The following CUX1 variants were observed in gnomAD, a reference collection of about 807,000 sequenced individuals.
CUX1 encodes the protein cut like homeobox 1.
Under a neutral mutation model 158.8 loss-of-function variants are expected in CUX1, and 31 were observed. That is an observed-to-expected ratio of 0.20 (90% CI 0.15 to 0.26). The LOEUF is 0.26. Ranked by LOEUF, CUX1 falls within the 10% of genes least tolerant of loss-of-function variation. The pLI, the probability that CUX1 is intolerant of heterozygous loss-of-function variation, is 1.00. For synonymous variants in CUX1, 879 were observed against 862.1 expected, an observed-to-expected ratio of 1.02 and a Z score of -0.34; for missense variants, 1,589 against 2,014.6, an observed-to-expected ratio of 0.79 and a Z score of 4.04.
rs183434780 is a variant in CUX1 at position 102,151,818 on chromosome 7, G to C, written c.675-6742G>C. Among the ~76,000 whole-genome samples the C allele has an allele frequency of 4.3e-3, 632 of 148,672 alleles. 3 individuals are homozygous for C. The highest frequency in any genetic ancestry group is 0.018 in the South Asian group (87 of 4,708). On this transcript the variant is annotated intron_variant, in intron 8 of 23. Coordinates refer to ENST00000292535, the MANE Select transcript of CUX1 (RefSeq NM_181552.4). ...TCCTTGGTCCTGGTCTGCAAACACT[G>C]ATGGCCACACTCACATCTTCCAAAG...
chr7:102,086,662 T>C (rs185412765), intron 4 of CUX1, among the ~76,000 whole-genome samples: 1 of 151,992 alleles, frequency 6.6e-6, no homozygotes, highest in African/African-American at 2.4e-5. Context: ...CAGAGTTGAG[T>C]GCAGTGACAC....
intron 2 of CUX1, among the ~76,000 whole-genome samples, chr7:101,937,797 G>A (rs549334249): frequency 3.3e-5 from 5 of 152,308 alleles, no homozygotes; most frequent in South Asian, 2.1e-4. Context: ...ACAGGCGAGA[G>A]CCACCGCGCC....
chr7:102,034,017 G>C (rs1821112766), intron 3 of CUX1, among the ~76,000 whole-genome samples: 1 of 151,330 alleles, frequency 6.6e-6, no homozygotes, highest in African/African-American at 2.4e-5. Flanking sequence ...GTGGTGGCAG[G>C]CACCTGTAAT....
intron 2 of CUX1, among the ~76,000 whole-genome samples, chr7:101,936,568 G>A (rs1226591191): frequency 4.6e-5 from 7 of 152,260 alleles, no homozygotes; most frequent in Non-Finnish European, 8.8e-5. Context: ...AAGGGTGAGC[G>A]GGGGCTAAGT....
intron 17 of CUX1, among the ~76,000 whole-genome samples, chr7:102,275,878 G>A (rs532572236): frequency 3.9e-5 from 6 of 151,940 alleles, no homozygotes; most frequent in East Asian, 3.9e-4. Flanking sequence ...GCATGGTGGC[G>A]GGCACCTGTA....
chr7:102,196,693 G>C lies in CUX1; in HGVS notation c.1282G>C (p.Ala428Pro), dbSNP rs782489323. ...AAGTCGGCGCCCGGGATCTTTGCCG[G>C]CCCCCCCTCCTTCTCAGTTGCCCCG... The part of the protein sequence containing the change: ...PESRRPGSLP[A>P]PPPSQLPRNP... Residue 428 changes from alanine (A) to proline (P), a missense_variant, in exon 15 of 24, where the codon GCC becomes CCC. Physicochemically the swap from Ala to Pro is conservative, Grantham distance 27. Coordinates refer to ENST00000292535, the MANE Select transcript of CUX1 (RefSeq NM_181552.4). 7 of 1,603,564 alleles carry C rather than the reference G, an allele frequency of 4.4e-6. No homozygotes were observed. The highest frequency in any genetic ancestry group is 1.1e-5 in the South Asian group (1 of 90,134).
At chr7:102,171,216 C>A (rs914531501) in intron 10 of CUX1, among the ~76,000 whole-genome samples, 1 of 152,032 alleles carries the variant, frequency 6.6e-6, no homozygotes, top group Non-Finnish European at 1.5e-5. Context: ...GTGTTGGAGC[C>A]ATAGCCCCCA....
At chr7:102,061,123 C>T (rs1204874922) in intron 3 of CUX1, among the ~76,000 whole-genome samples, 1 of 151,950 alleles carries the variant, frequency 6.6e-6, no homozygotes, top group African/African-American at 2.4e-5. Flanking sequence ...CAGGTTTCAC[C>T]ATGTTGGCCA....
chr7:102,212,804 C>G (rs1230346438), intron 20 of CUX1, among the ~76,000 whole-genome samples: 1 of 152,162 alleles, frequency 6.6e-6, no homozygotes, highest in Non-Finnish European at 1.5e-5. Flanking sequence ...TAGTAACACA[C>G]CGTGGAGACC....
At chr7:101,983,656 A>G (rs569440502) in intron 2 of CUX1, among the ~76,000 whole-genome samples, 1 of 152,324 alleles carries the variant, frequency 6.6e-6, no homozygotes, top group South Asian at 2.1e-4. Flanking sequence ...GATGGAAGGC[A>G]AAGAGGACTT....
At chr7:101,925,445 G>C (rs147279053) in intron 2 of CUX1, among the ~76,000 whole-genome samples, 20 of 152,288 alleles carry the variant, frequency 1.3e-4, no homozygotes, top group African/African-American at 3.8e-4. Flanking sequence ...AAACCCCCAG[G>C]GGTGAGGGGA....
Position 102,255,802 on chromosome 7 carries a change from T to C in CUX1, c.*6760T>C, listed in dbSNP as rs1025842647. ...AGCTGCTTTTGTTTTATAATTCTTT[T>C]TTCCCCCCTTTTCCTTCTTCTTTTT... On this transcript the variant is annotated 3_prime_UTR_variant, in exon 24 of 24. Coordinates refer to ENST00000292535, the MANE Select transcript of CUX1 (RefSeq NM_181552.4). 7.1e-6 allele frequency: 7 copies of C among 984,936 alleles called. No individual in the cohort carries two copies. The African/African-American group carries it at 1.0e-4, about 15-fold the overall frequency. The allele number at this position is 984,936 out of a possible 1,614,324, so 61.0% of individuals were successfully genotyped here. A position where few individuals can be genotyped will look rare whatever the true frequency, so the allele number is the denominator to read the frequency against.
At chr7:101,967,725 C>T (rs1811409084) in intron 2 of CUX1, among the ~76,000 whole-genome samples, 1 of 152,118 alleles carries the variant, frequency 6.6e-6, no homozygotes, top group Non-Finnish European at 1.5e-5. Flanking sequence ...TGTAAAAGGT[C>T]CCCAGAAACA....
intron 1 of CUX1, among the ~76,000 whole-genome samples, chr7:101,902,242 G>A (rs1277836996): frequency 2.6e-5 from 4 of 152,134 alleles, no homozygotes; most frequent in Non-Finnish European, 4.4e-5. Flanking sequence ...CTATGATTTC[G>A]ACAAAGCCGG....
chr7:101,950,508 G>A (rs530908279), intron 2 of CUX1, among the ~76,000 whole-genome samples: 24 of 152,088 alleles, frequency 1.6e-4, no homozygotes, highest in Admixed American at 1.5e-3. Flanking sequence ...GGTACATTCA[G>A]TGTTGTGCAA....
chr7:101,863,009 C>T (rs927030059), intron 1 of CUX1, among the ~76,000 whole-genome samples: 1 of 151,732 alleles, frequency 6.6e-6, no homozygotes, highest in African/African-American at 2.4e-5. Context: ...ATTTACTTGT[C>T]GCTGGCCTTG....
At chr7:101,925,172 G>T (rs937751840) in intron 2 of CUX1, among the ~76,000 whole-genome samples, 1 of 152,062 alleles carries the variant, frequency 6.6e-6, no homozygotes, top group Non-Finnish European at 1.5e-5. Flanking sequence ...ACAGTGGCTC[G>T]ATCTCGGCTC....
chr7:101,914,568 G>A (rs953937022), intron 1 of CUX1, among the ~76,000 whole-genome samples: 19 of 150,854 alleles, frequency 1.3e-4, no homozygotes, highest in Non-Finnish European at 2.7e-4. Flanking sequence ...GCGTGATCTC[G>A]GCTCACTGCA....
intron 3 of CUX1, among the ~76,000 whole-genome samples, chr7:102,033,148 G>A (rs757295304): frequency 1.3e-5 from 2 of 152,032 alleles, no homozygotes; most frequent in Admixed American, 6.6e-5. Flanking sequence ...ACTAAGCATC[G>A]GCTTTATAAA....
Sources: allele counts gnomAD v4.1 joint callset (sites outside exome capture counted in the v4.1 genomes callset), GRCh38; gene constraint gnomAD v4.1.1; transcripts MANE v1.5; gene names NCBI Gene and HGNC (gene_info 2026-07-23, HGNC 2026-07-21).